The following DOK6 variants were observed in gnomAD, a reference collection of about 807,000 sequenced individuals.
DOK6 encodes the protein downstream of tyrosine kinase 6.
DOK6 carries 22 observed loss-of-function variants against 44.0 expected under a neutral mutation model. The observed-to-expected ratio is 0.50, with a 90% CI of 0.36 to 0.71. DOK6 has a LOEUF of 0.71. DOK6 is among the 30% of genes least tolerant of loss of function. The pLI, the probability that DOK6 is intolerant of heterozygous loss-of-function variation, is 0.00. For missense variants in DOK6, 340 were observed against 416.4 expected, an observed-to-expected ratio of 0.82 and a Z score of 1.60; for synonymous variants, 166 against 145.5, an observed-to-expected ratio of 1.14 and a Z score of -1.01.
intron 3 of DOK6, among the ~76,000 whole-genome samples, chr18:69,629,789 G>T (rs1984647770): frequency 2.4e-5 from 3 of 122,968 alleles, no homozygotes; most frequent in African/African-American, 9.6e-5. Flanking sequence ...GTTTGTTTTT[G>T]TTTGTTTGTT....
At chr18:69,767,374 T>C (rs1192854722) in intron 7 of DOK6, among the ~76,000 whole-genome samples, 2 of 152,208 alleles carry the variant, frequency 1.3e-5, no homozygotes, top group African/African-American at 4.8e-5. Flanking sequence ...TTAAGTTTTT[T>C]CTTCTCATCA....
chr18:69,695,535 C>T (rs1021321436), intron 4 of DOK6, among the ~76,000 whole-genome samples: 1 of 152,154 alleles, frequency 6.6e-6, no homozygotes, highest in African/African-American at 2.4e-5. Context: ...AAAGCCTTAA[C>T]AAATTTTTCA....
intron 5 of DOK6, among the ~76,000 whole-genome samples, chr18:69,700,008 G>A (rs1381852923): frequency 6.6e-6 from 1 of 151,976 alleles, no homozygotes; most frequent in Non-Finnish European, 1.5e-5. Context: ...ATGAAGCCAA[G>A]TGAAAGGGGT....
At chr18:69,467,219 T>C (rs959900217) in intron 1 of DOK6, among the ~76,000 whole-genome samples, 1 of 152,168 alleles carries the variant, frequency 6.6e-6, no homozygotes, top group South Asian at 2.1e-4. Context: ...TATTCTATTA[T>C]AGCTGCCTAA....
intron 1 of DOK6, among the ~76,000 whole-genome samples, chr18:69,429,240 G>A (rs181748795): frequency 6.6e-6 from 1 of 152,180 alleles, no homozygotes; most frequent in African/African-American, 2.4e-5. Flanking sequence ...GAAATTATAA[G>A]AGAATTTTAG....
intron 1 of DOK6, among the ~76,000 whole-genome samples, chr18:69,529,616 A>AATGCCTACT (rs1981929382): frequency 6.6e-6 from 1 of 152,198 alleles, no homozygotes; most frequent in Admixed American, 6.5e-5. Flanking sequence ...CCCTGCACTG[A>AATGCCTACT]ATGCCTACTA....
chr18:69,508,347 A>C (rs891222001), intron 1 of DOK6, among the ~76,000 whole-genome samples: 3 of 152,108 alleles, frequency 2.0e-5, no homozygotes, highest in Admixed American at 6.5e-5. Flanking sequence ...CTTTTCTCTA[A>C]CCTCAGCAAC....
intron 7 of DOK6, among the ~76,000 whole-genome samples, chr18:69,811,578 CAAA>C (rs1555672402): frequency 1.4e-4 from 1 of 7,110 alleles, no homozygotes; most frequent in African/African-American, 2.5e-4. Flanking sequence ...ATATATATAT[CAAA>C]ACACTACGTT....
intron 7 of DOK6, among the ~76,000 whole-genome samples, chr18:69,834,677 A>G (rs1005953653): frequency 6.6e-6 from 1 of 152,232 alleles, no homozygotes; most frequent in Non-Finnish European, 1.5e-5. Flanking sequence ...AATAAAAAAT[A>G]TACAAACATA....
At chr18:69,785,175 T>G (rs1439552682) in intron 7 of DOK6, among the ~76,000 whole-genome samples, 1 of 152,202 alleles carries the variant, frequency 6.6e-6, no homozygotes, top group Non-Finnish European at 1.5e-5. Context: ...TCAGCAATGT[T>G]CTGTTAATAT....
intron 7 of DOK6, among the ~76,000 whole-genome samples, chr18:69,819,065 C>T (rs1306551234): frequency 6.6e-6 from 1 of 152,174 alleles, no homozygotes; most frequent in African/African-American, 2.4e-5. Flanking sequence ...AGAATGTTCA[C>T]TTTTCATCTA....
chr18:69,529,166 T>C (rs1394909028), intron 1 of DOK6, among the ~76,000 whole-genome samples: 1 of 152,240 alleles, frequency 6.6e-6, no homozygotes. Flanking sequence ...ATTTACTGCA[T>C]AACCGGAATA....
chr18:69,612,246 C>G (rs1030324331), intron 3 of DOK6, among the ~76,000 whole-genome samples: 3 of 149,810 alleles, frequency 2.0e-5, no homozygotes, highest in African/African-American at 7.3e-5. Context: ...AAGACAGTTG[C>G]GGAAAAAATT....
intron 7 of DOK6, among the ~76,000 whole-genome samples, chr18:69,786,327 C>T (rs1980428069): frequency 6.6e-6 from 1 of 152,102 alleles, no homozygotes; most frequent in Admixed American, 6.5e-5. Flanking sequence ...TTGATACAAG[C>T]ATATTTCATA....
At chr18:69,440,419 T>C (rs908263792) in intron 1 of DOK6, among the ~76,000 whole-genome samples, 4 of 152,200 alleles carry the variant, frequency 2.6e-5, no homozygotes, top group Admixed American at 2.6e-4. Flanking sequence ...AATTTCAATC[T>C]GTAAAAAATG....
At chr18:69,541,271 T>G (rs1982261603) in intron 1 of DOK6, among the ~76,000 whole-genome samples, 1 of 151,508 alleles carries the variant, frequency 6.6e-6, no homozygotes, top group Non-Finnish European at 1.5e-5. Context: ...GCTCTCATGC[T>G]CTGGAATAAT....
intron 1 of DOK6, 21 bp downstream of exon 1, chr18:69,401,331 G>A: frequency 6.7e-7 from 1 of 1,502,410 alleles, no homozygotes; most frequent in Admixed American, 2.1e-5. Flanking sequence ...CGCTCGGCTT[G>A]CTCCTTCCCC....
chr18:69,621,124 C>T (rs1395013999), intron 3 of DOK6, among the ~76,000 whole-genome samples: 1 of 152,044 alleles, frequency 6.6e-6, no homozygotes, highest in African/African-American at 2.4e-5. Flanking sequence ...ACTGTTTCAT[C>T]CTGAATTTAG....
At chr18:69,754,184 G>A (rs1412933780) in intron 6 of DOK6, among the ~76,000 whole-genome samples, 3 of 151,890 alleles carry the variant, frequency 2.0e-5, no homozygotes, top group Non-Finnish European at 4.4e-5. Context: ...AGTTAAGGAT[G>A]TGTGTCCTCT....
Sources: gnomAD v4.1 joint callset for allele counts (sites outside exome capture counted in the v4.1 genomes callset) on GRCh38, gnomAD v4.1.1 for gene constraint, MANE v1.5 for transcripts, NCBI Gene and HGNC (gene_info 2026-07-23, HGNC 2026-07-21) for gene names.